Variants in SAMD5 observed in about 807,000 individuals in gnomAD.
SAMD5 encodes sterile alpha motif domain-containing protein 5.
Under a neutral mutation model 11.3 loss-of-function variants are expected in SAMD5, and 13 were observed. That is an observed-to-expected ratio of 1.15 (90% CI 0.75 to 1.83). The LOEUF is 1.83. Among genes scored for constraint, SAMD5 ranks in the 40% most tolerant of loss-of-function variants. SAMD5 has a pLI of 0.00. For synonymous variants in SAMD5, 129 were observed against 111.3 expected (o/e 1.16, Z -1.00); for missense variants, 255 against 239.1 (o/e 1.07, Z -0.44).
chr6:147,543,020 T>C (rs1169679705), intron 1 of SAMD5, among the ~76,000 whole-genome samples: 1 of 151,928 alleles, frequency 6.6e-6, no homozygotes, highest in Non-Finnish European at 1.5e-5. Context: ...GCAAAGACGG[T>C]TTCAGGATTG....
At chr6:147,642,333 G>A (rs1379185628) in intron 1 of SAMD5, among the ~76,000 whole-genome samples, 6 of 152,104 alleles carry the variant, frequency 3.9e-5, no homozygotes, top group African/African-American at 7.2e-5. Context: ...AAAAGATCTC[G>A]AATAATGTTC....
chr6:147,717,856 C>CACAAAACAAAACAAA (rs142280809), intron 1 of SAMD5, among the ~76,000 whole-genome samples: 9 of 150,910 alleles, frequency 6.0e-5, no homozygotes, highest in African/African-American at 1.2e-4. Flanking sequence ...GTCTCAAAAA[C>CACAAAACAAAACAAA]ACAAAACAAA....
At chr6:147,934,111 T>G in the SAMD5 span, among the ~76,000 whole-genome samples, 1 of 152,208 alleles carries the variant, frequency 6.6e-6, no homozygotes, top group Non-Finnish European at 1.5e-5. Flanking sequence ...CCTTGTATTA[T>G]AAGCATTTTA....
chr6:147,930,158 T>G, the SAMD5 span, among the ~76,000 whole-genome samples: 1 of 152,168 alleles, frequency 6.6e-6, no homozygotes, highest in Non-Finnish European at 1.5e-5. Flanking sequence ...CTATGCCTAG[T>G]AAGAGCAACC....
At chr6:147,722,453 A>C (rs1791569277) in intron 1 of SAMD5, among the ~76,000 whole-genome samples, 1 of 152,214 alleles carries the variant, frequency 6.6e-6, no homozygotes, top group Non-Finnish European at 1.5e-5. Flanking sequence ...TTGCACAAGC[A>C]ATTTCCTCTA....
At chr6:147,884,827 A>G in the SAMD5 span, among the ~76,000 whole-genome samples, 1 of 152,182 alleles carries the variant, frequency 6.6e-6, no homozygotes, top group African/African-American at 2.4e-5. Flanking sequence ...CAGCACCTAA[A>G]TATAACTGCA....
At chr6:147,873,819 T>C in the SAMD5 span, among the ~76,000 whole-genome samples, 1 of 152,230 alleles carries the variant, frequency 6.6e-6, no homozygotes, top group Non-Finnish European at 1.5e-5. Flanking sequence ...TTGAGCTAGC[T>C]ACAGTGGTTT....
intron 1 of SAMD5, among the ~76,000 whole-genome samples, chr6:147,648,255 G>A (rs1790433452): frequency 6.6e-6 from 1 of 152,144 alleles, no homozygotes; most frequent in Admixed American, 6.5e-5. Flanking sequence ...AAGGAAGTGA[G>A]GCATCTTCTT....
At chr6:147,648,460 G>C (rs1051794910) in intron 1 of SAMD5, among the ~76,000 whole-genome samples, 7 of 152,122 alleles carry the variant, frequency 4.6e-5, no homozygotes, top group African/African-American at 1.7e-4. Context: ...TGAGACGTTG[G>C]GTGGAAACAC....
At chr6:147,704,099 G>A (rs1164477323) in intron 1 of SAMD5, among the ~76,000 whole-genome samples, 1 of 151,992 alleles carries the variant, frequency 6.6e-6, no homozygotes, top group African/African-American at 2.4e-5. Context: ...GTTTCACTGT[G>A]TTAGCCAGGA....
At chr6:147,551,781 C>T (rs1023818499) in intron 1 of SAMD5, among the ~76,000 whole-genome samples, 8 of 141,628 alleles carry the variant, frequency 5.6e-5, no homozygotes, top group Admixed American at 5.6e-4. Context: ...AATTGGAGAC[C>T]TTATTCTTAA....
the SAMD5 span, among the ~76,000 whole-genome samples, chr6:147,816,689 T>C: frequency 1.2e-4 from 18 of 152,234 alleles, no homozygotes; most frequent in East Asian, 3.1e-3. Flanking sequence ...TTTCCTGTAA[T>C]AAATTTTGGA....
chr6:147,588,849 G>C (rs1789413367), intron 1 of SAMD5, among the ~76,000 whole-genome samples: 1 of 151,984 alleles, frequency 6.6e-6, no homozygotes, highest in Non-Finnish European at 1.5e-5. Context: ...CATGTATTGA[G>C]TACTCAAGTA....
the SAMD5 span, among the ~76,000 whole-genome samples, chr6:147,780,357 G>A: frequency 0.031 from 4,648 of 151,926 alleles, 106 homozygotes; most frequent in Middle Eastern, 0.051. Flanking sequence ...ATAGATGCCC[G>A]CCACCACCCC....
chr6:147,813,864 A>C, the SAMD5 span, among the ~76,000 whole-genome samples: 2 of 152,204 alleles, frequency 1.3e-5, no homozygotes, highest in Admixed American at 1.3e-4. Context: ...TTTAATTGTG[A>C]AGGCTATGGG....
At position 147,567,492 on chromosome 6, in the gene SAMD5, G is replaced by T. The variant is rs965662953; in HGVS notation, c.*3036G>T. On this transcript the variant is annotated 3_prime_UTR_variant, in exon 2 of 2. Coordinates refer to ENST00000367474, the MANE Select transcript of SAMD5 (RefSeq NM_001030060.3). ...GTAGCTTGGGGAATCATCTTGAACA[G>T]TTATGAAACTCATTAAAGCTTCTTT... 1.0e-6 allele frequency: 1 copy of T among 966,248 alleles called. No homozygotes were observed. The highest frequency in any genetic ancestry group is 6.2e-5 in the Admixed American group (1 of 16,244). 59.9% of individuals were successfully genotyped at this position (966,248 alleles called of 1,614,324 possible). A position where few individuals can be genotyped will look rare whatever the true frequency, so the allele number is the denominator to read the frequency against.
chr6:147,542,421 T>C (rs1157761769), intron 1 of SAMD5, among the ~76,000 whole-genome samples: 1 of 152,196 alleles, frequency 6.6e-6, no homozygotes, highest in African/African-American at 2.4e-5. Flanking sequence ...GAAAGAGTAA[T>C]TCACACAGAG....
At chr6:147,854,400 C>G in the SAMD5 span, among the ~76,000 whole-genome samples, 2 of 152,224 alleles carry the variant, frequency 1.3e-5, no homozygotes, top group East Asian at 3.9e-4. Flanking sequence ...TTTTAAGAAG[C>G]AAATATGGCC....
intron 1 of SAMD5, among the ~76,000 whole-genome samples, chr6:147,714,721 C>A (rs1380642590): frequency 6.6e-6 from 1 of 152,114 alleles, no homozygotes; most frequent in Admixed American, 6.5e-5. Context: ...GCATTGGAAT[C>A]ATCTGGACAG....
Sources: allele counts gnomAD v4.1 joint callset (sites outside exome capture counted in the v4.1 genomes callset), GRCh38; gene constraint gnomAD v4.1.1; transcripts MANE v1.5; gene names NCBI Gene and HGNC (gene_info 2026-07-23, HGNC 2026-07-21).